The following ANK1 variants were observed in gnomAD, a reference collection of about 807,000 sequenced individuals.
The protein encoded by ANK1 is ankyrin-1.
In ANK1, 51 loss-of-function variants were observed where a neutral mutation model predicts 210.4. The ratio of observed to expected loss-of-function variants is 0.24; its 90% CI spans 0.19 to 0.31. The LOEUF is 0.31. Among genes scored for constraint, ANK1 ranks in the 10% least tolerant of loss-of-function variants. The pLI, the probability that ANK1 is intolerant of heterozygous loss-of-function variation, is 1.00. For missense variants in ANK1, 2,051 were observed against 2,504.4 expected (o/e 0.82, Z 3.86); for synonymous variants, 967 against 1,025.9 (o/e 0.94, Z 1.10).
chr8:41,654,602 CTTT>C lies in ANK1; in HGVS notation c.*1185_*1187del, dbSNP rs1378897158. On this transcript the variant is annotated 3_prime_UTR_variant, in exon 43 of 43. Coordinates refer to ENST00000289734, the MANE Select transcript of ANK1 (RefSeq NM_000037.4). ...CACTAGCCCTACTCCTTTCCTTCCT[CTTT>C]CACTGAAAGACAGGCCACAGCTCCT... 2 of 152,710 alleles carry C rather than the reference CTTT, an allele frequency of 1.3e-5. No homozygotes were observed. Among genetic ancestry groups the C allele is most frequent in the African/African-American group, 4.8e-5 (2 of 41,462 alleles). 9.5% of individuals were successfully genotyped at this position (152,710 alleles called of 1,614,324 possible).
intron 1 of ANK1, among the ~76,000 whole-genome samples, chr8:41,780,425 T>C (rs1289960114): frequency 6.6e-6 from 1 of 152,240 alleles, no homozygotes; most frequent in Non-Finnish European, 1.5e-5. Flanking sequence ...TAGGAGTTTG[T>C]TGAGTTAACC....
At chr8:41,837,907 T>C (rs151296942) in intron 1 of ANK1, among the ~76,000 whole-genome samples, 1 of 152,130 alleles carries the variant, frequency 6.6e-6, no homozygotes, top group Non-Finnish European at 1.5e-5. Context: ...TGACACCTGG[T>C]GAACACCGTA....
chr8:41,663,627 C>T, intron 40 of ANK1, 32 bp downstream of exon 40: 3 of 1,600,306 alleles, frequency 1.9e-6, no homozygotes, highest in South Asian at 2.2e-5. Flanking sequence ...ACCTGCCTCT[C>T]CCCAGCACAG....
chr8:41,659,560 C>T (rs965266105), intron 42 of ANK1, among the ~76,000 whole-genome samples: 1 of 152,158 alleles, frequency 6.6e-6, no homozygotes, highest in Non-Finnish European at 1.5e-5. Flanking sequence ...AATTAGGAAG[C>T]CTTTGGGCCC....
rs775820344 is a variant in ANK1, at chr8:41,684,580, C to G, written c.4501G>C (p.Asp1501His). The part of the protein sequence containing the change: ...RNLKPDRRHT[D>H]RDYSLSPSQM... Reference sequence around the variant, plus strand: ...GAGGGTGACAGCGAGTAGTCGCGGTCGGTGTGCCGCCTGTCTGGCTTCAAG... The same window carrying G: ...GAGGGTGACAGCGAGTAGTCGCGGTGGGTGTGCCGCCTGTCTGGCTTCAAG... The change falls in exon 37 of 43, where the codon GAC (aspartate) becomes CAC (histidine). Residue 1501 changes from aspartate (D) to histidine (H), a missense_variant. Transcript: ENST00000289734. 18 of 1,613,664 alleles carry G rather than the reference C, an allele frequency of 1.1e-5. No homozygotes were observed. Among genetic ancestry groups the G allele is most frequent in the Admixed American group, 1.7e-5 (1 of 60,006 alleles).
intron 2 of ANK1, among the ~76,000 whole-genome samples, chr8:41,752,822 C>T (rs1838094275): frequency 6.7e-6 from 1 of 149,466 alleles, no homozygotes; most frequent in South Asian, 2.2e-4. Context: ...CACCGCTGGG[C>T]CCTCCGCCTG....
chr8:41,705,767 C>G (rs1824399483), intron 18 of ANK1, among the ~76,000 whole-genome samples: 1 of 152,218 alleles, frequency 6.6e-6, no homozygotes, highest in Non-Finnish European at 1.5e-5. Flanking sequence ...CTTGCACACA[C>G]CAGAAGTTCA....
chr8:41,893,534 A>G (rs1464339172), intron 1 of ANK1, among the ~76,000 whole-genome samples: 1 of 152,112 alleles, frequency 6.6e-6, no homozygotes, highest in Non-Finnish European at 1.5e-5. Flanking sequence ...ACACAATATC[A>G]TCAACTGTAA....
chr8:41,806,800 G>A (rs1033851842), intron 1 of ANK1, among the ~76,000 whole-genome samples: 1 of 152,182 alleles, frequency 6.6e-6, no homozygotes, highest in African/African-American at 2.4e-5. Context: ...CTCCACTCTC[G>A]ATGGTTTTCC....
intron 1 of ANK1, among the ~76,000 whole-genome samples, chr8:41,873,706 CT>C (rs1256436255): frequency 6.6e-6 from 1 of 152,240 alleles, no homozygotes; most frequent in Admixed American, 6.5e-5. Flanking sequence ...GCAGGGGCTC[CT>C]GCCATATTGC....
chr8:41,700,604 C>A, intron 22 of ANK1: 1 of 809,944 alleles, frequency 1.2e-6, no homozygotes, highest in South Asian at 1.5e-5. Context: ...TGGAAGGGAC[C>A]ACTGAGCTGA....
At chr8:41,775,604 G>T (rs944734329) in intron 1 of ANK1, among the ~76,000 whole-genome samples, 3 of 152,216 alleles carry the variant, frequency 2.0e-5, no homozygotes, top group African/African-American at 7.2e-5. Flanking sequence ...AGTTAGCAGG[G>T]CATGGTGGCT....
intron 22 of ANK1, among the ~76,000 whole-genome samples, chr8:41,699,758 T>C (rs996998174): frequency 2.0e-5 from 3 of 152,326 alleles, no homozygotes; most frequent in African/African-American, 2.4e-5. Context: ...GCTCCTGACA[T>C]CTTAGATGCC....
intron 3 of ANK1, among the ~76,000 whole-genome samples, chr8:41,732,299 G>A (rs1297249279): frequency 6.6e-6 from 1 of 152,138 alleles, no homozygotes; most frequent in Non-Finnish European, 1.5e-5. Context: ...GAGGCTAGGG[G>A]GAAAGAACTC....
chr8:41,896,696 T>TGCC lies in ANK1; in HGVS notation c.-219_-217dup. ...GGCTGCCCGCGGCCCGGGATGGCGC[T>TGCC]GCCGCCGCGGCCGGAGCTCGCTTGC... On this transcript the variant is annotated 5_prime_UTR_variant, in exon 1 of 43. Transcript: ENST00000265709. 2 of 387,894 alleles carry TGCC rather than the reference T, an allele frequency of 5.2e-6. 1 individual carries two copies. Among genetic ancestry groups the TGCC allele is most frequent in the South Asian group, 2.1e-4 (2 of 9,392 alleles). The allele number at this position is 387,894 out of a possible 1,614,324, so 24.0% of individuals were successfully genotyped here.
At chr8:41,786,748 A>T (rs2111804) in intron 1 of ANK1, among the ~76,000 whole-genome samples, 118,647 of 152,038 alleles carry the variant, frequency 0.78, 47,208 homozygotes, top group African/African-American at 0.88. Flanking sequence ...ACAAGTGAAT[A>T]TTCAAAACTC....
intron 37 of ANK1, among the ~76,000 whole-genome samples, chr8:41,677,226 C>T (rs1328075963): frequency 1.3e-5 from 2 of 152,006 alleles, no homozygotes; most frequent in Non-Finnish European, 2.9e-5. Flanking sequence ...TGGTAATCTG[C>T]AGGTCTTCTC....
At chr8:41,767,009 C>T (rs1442937852) in intron 1 of ANK1, among the ~76,000 whole-genome samples, 1 of 152,154 alleles carries the variant, frequency 6.6e-6, no homozygotes, top group Non-Finnish European at 1.5e-5. Context: ...GGGCCCGGCC[C>T]CCCTCGGGGC....
chr8:41,664,180 C>T lies in ANK1; in HGVS notation c.5395-438G>A, dbSNP rs747107794. On this transcript the variant is annotated intron_variant, in intron 39 of 42. Coordinates refer to ENST00000289734, the MANE Select transcript of ANK1 (RefSeq NM_000037.4). ...GAGCCAGTTGGTGACAGAAACAGGA[C>T]GATCCGGGTGCAATCCCATGGTGGC... is the stretch of plus-strand genomic sequence containing the variant. The T allele has an allele frequency of 3.7e-4, 168 of 457,526 alleles. 2 individuals are homozygous for T. Among genetic ancestry groups the T allele is most frequent in the East Asian group, 6.9e-5 (1 of 14,454 alleles). The allele number at this position is 457,526 out of a possible 1,614,324, so 28.3% of individuals were successfully genotyped here. A position where few individuals can be genotyped will look rare whatever the true frequency, so the allele number is the denominator to read the frequency against.
Sources: gnomAD v4.1 joint callset for allele counts (sites outside exome capture counted in the v4.1 genomes callset) on GRCh38, gnomAD v4.1.1 for gene constraint, MANE v1.5 for transcripts, NCBI Gene and HGNC (gene_info 2026-07-23, HGNC 2026-07-21) for gene names.